EEF1AKMT1: variants seen among roughly 807,000 people sequenced by gnomAD.
EEF1AKMT1 encodes EEF1A lysine methyltransferase 1.
In EEF1AKMT1, 18 loss-of-function variants were observed where a neutral mutation model predicts 21.0. The observed-to-expected ratio is 0.86, with a 90% CI of 0.59 to 1.27. The LOEUF (loss-of-function observed/expected upper bound fraction) is 1.27. Ranked by LOEUF, EEF1AKMT1 falls within the 50% of genes most tolerant of loss-of-function variation. The pLI is 0.00. For missense variants in EEF1AKMT1, 246 were observed against 258.6 expected (o/e 0.95, Z 0.33); for synonymous variants, 109 against 94.8 (o/e 1.15, Z -0.87).
chr13:20,739,205 G>A (rs1466455183), intron 2 of EEF1AKMT1, among the ~76,000 whole-genome samples: 3 of 152,158 alleles, frequency 2.0e-5, no homozygotes, highest in Admixed American at 6.5e-5. Context: ...AACTTCGCTG[G>A]TTTCAGGAGT....
intron 4 of EEF1AKMT1, among the ~76,000 whole-genome samples, chr13:20,730,065 C>T (rs905159602): frequency 6.6e-6 from 1 of 152,256 alleles, no homozygotes; most frequent in Non-Finnish European, 1.5e-5. Context: ...CCTGACCCCT[C>T]AGGTCCCTGG....
In EEF1AKMT1 at chr13:20,731,880, C is replaced by A; in HGVS notation, c.469G>T (p.Val157Phe). ...ATCTTGCCCCGCGTCAGGTACTTGA[C>A]GGTTTCCGATGTTTTTCTGAGACAT... is the stretch of plus-strand genomic sequence containing the variant. Reference protein sequence around the residue: ...EECLRKTSETVKYLTRGKILL... With the variant: ...EECLRKTSETFKYLTRGKILL... The change falls in exon 4 of 5, where the codon GTC (valine) becomes TTC (phenylalanine). Residue 157 changes from valine to phenylalanine, a missense_variant. Coordinates refer to ENST00000382758, the MANE Select transcript of EEF1AKMT1 (RefSeq NM_001318939.2). 1 of 1,614,158 alleles carries A rather than the reference C, an allele frequency of 6.2e-7. No homozygotes were observed. Among genetic ancestry groups the A allele is most frequent in the Non-Finnish European group, 8.5e-7 (1 of 1,180,014 alleles).
intron 2 of EEF1AKMT1, among the ~76,000 whole-genome samples, chr13:20,751,696 CATT>C (rs1274180258): frequency 2.0e-5 from 3 of 151,398 alleles, no homozygotes; most frequent in Admixed American, 1.3e-4. Context: ...TGAAAAATGA[CATT>C]AGTATTGATA....
chr13:20,737,553 G>C (rs917642094), intron 3 of EEF1AKMT1, among the ~76,000 whole-genome samples, 170 bp downstream of exon 3: 1 of 152,220 alleles, frequency 6.6e-6, no homozygotes, highest in Non-Finnish European at 1.5e-5. Context: ...AGGTTTCTGA[G>C]TGGGTCTCTA....
At position 20,754,263 on chromosome 13, in the gene EEF1AKMT1, T is replaced by C. The variant is rs1018415613; in HGVS notation, c.144+3192A>G. Among the ~76,000 whole-genome samples the C allele has an allele frequency of 5.7e-5, 3 of 52,594 alleles. No homozygotes were observed. In the Admixed American group the frequency reaches 7.3e-4, roughly 13 times the overall value. The allele number at this position is 52,594 out of a possible 152,430, so 34.5% of individuals were successfully genotyped here. A position where few individuals can be genotyped will look rare whatever the true frequency, so the allele number is the denominator to read the frequency against. On this transcript the variant is annotated intron_variant, in intron 2 of 4. Transcript: ENST00000382758. ...TGGGTATAGAATCTTTTGTTGGCAG[T>C]TTTTTTTTCTTTTTTTTTCTTTCAA...
At chr13:20,771,892 C>A (rs537376801) in intron 1 of EEF1AKMT1, among the ~76,000 whole-genome samples, 3 of 151,840 alleles carry the variant, frequency 2.0e-5, no homozygotes, top group Non-Finnish European at 4.4e-5. Context: ...GCACCTATAG[C>A]GCCAGCTACT....
At position 20,731,829 on chromosome 13, in the gene EEF1AKMT1, T is replaced by C. The variant is rs756881913; in HGVS notation, c.508+12A>G. 2 of 1,604,968 alleles carry C rather than the reference T, an allele frequency of 1.2e-6. No homozygotes were observed. Among genetic ancestry groups the C allele is most frequent in the African/African-American group, 1.3e-5 (1 of 74,808 alleles). On this transcript the variant is annotated intron_variant, in intron 4 of 4. Transcript: ENST00000382758. ...TCAGTGACTTTGATGAGATATGAAA[T>C]GCAGCACCTACCTGTGCACAGCAGA...
intron 3 of EEF1AKMT1, 88 bp from the exon 4 acceptor site, chr13:20,732,209 CGA>C: frequency 1.4e-6 from 2 of 1,402,414 alleles, no homozygotes; most frequent in Middle Eastern, 3.7e-4. Context: ...TACATGGGTC[CGA>C]GTGCTCAGAG....
In EEF1AKMT1 at chr13:20,728,886, G is replaced by T; in HGVS notation, c.*194C>A. The T allele has an allele frequency of 1.6e-6, 1 of 629,978 alleles. No individual in the cohort carries two copies. Among genetic ancestry groups the T allele is most frequent in the Non-Finnish European group, 2.7e-6 (1 of 367,622 alleles). The allele number at this position is 629,978 out of a possible 1,614,324, so 39.0% of individuals were successfully genotyped here. A position where few individuals can be genotyped will look rare whatever the true frequency, so the allele number is the denominator to read the frequency against. On this transcript the variant is annotated 3_prime_UTR_variant, in exon 5 of 5. Transcript: ENST00000382758. ...ACTCGAATTCCATGGATTCAGGTTG[G>T]CAGAAGACTGAGCTCTAGGGACGCC...
rs2058798440 is a variant in EEF1AKMT1, at chr13:20,731,876, T to G, written c.473A>C (p.Lys158Thr). 1 of 1,614,190 alleles carries G rather than the reference T, an allele frequency of 6.2e-7. No individual in the cohort carries two copies. Among genetic ancestry groups the G allele is most frequent in the East Asian group, 2.2e-5 (1 of 44,888 alleles). ...ECLRKTSETV[K>T]YLTRGKILLC... ...CAGAATCTTGCCCCGCGTCAGGTACTTGACGGTTTCCGATGTTTTTCTGAG... is the reference window on the plus strand; with the variant it reads ...CAGAATCTTGCCCCGCGTCAGGTACGTGACGGTTTCCGATGTTTTTCTGAG... Residue 158 changes from lysine to threonine, a missense_variant, in exon 4 of 5, where the codon AAG becomes ACG. Coordinates refer to ENST00000382758, the MANE Select transcript of EEF1AKMT1 (RefSeq NM_001318939.2).
At chr13:20,739,210 A>G (rs528672198) in intron 2 of EEF1AKMT1, among the ~76,000 whole-genome samples, 1 of 152,322 alleles carries the variant, frequency 6.6e-6, no homozygotes, top group East Asian at 1.9e-4. Context: ...CGCTGGTTTC[A>G]GGAGTGAAGC....
chr13:20,737,626 C>G (rs918061601), intron 3 of EEF1AKMT1, 97 bp downstream of exon 3: 1 of 1,008,894 alleles, frequency 9.9e-7, no homozygotes, highest in Non-Finnish European at 1.5e-6. Flanking sequence ...ACAATATTTA[C>G]AGATTATAGT....
At chr13:20,754,126 T>TAG (rs1037634663) in intron 2 of EEF1AKMT1, among the ~76,000 whole-genome samples, 1 of 152,184 alleles carries the variant, frequency 6.6e-6, no homozygotes, top group Non-Finnish European at 1.5e-5. Flanking sequence ...CTTCAATGCA[T>TAG]AGGACTCCTT....
intron 1 of EEF1AKMT1, among the ~76,000 whole-genome samples, chr13:20,773,409 C>A (rs1219536397): frequency 6.6e-6 from 1 of 152,354 alleles, no homozygotes; most frequent in East Asian, 1.9e-4. Context: ...CCTCGCAGCA[C>A]CCGCATCCTG....
intron 2 of EEF1AKMT1, among the ~76,000 whole-genome samples, chr13:20,744,177 G>A (rs909651538): frequency 5.3e-5 from 8 of 152,168 alleles, no homozygotes; most frequent in Non-Finnish European, 1.2e-4. Context: ...TGTCTTTATA[G>A]CAGAATGACA....
At chr13:20,738,598 C>A (rs1343320779) in intron 2 of EEF1AKMT1, among the ~76,000 whole-genome samples, 4 of 152,072 alleles carry the variant, frequency 2.6e-5, no homozygotes, top group Non-Finnish European at 5.9e-5. Flanking sequence ...TGCCCATCAA[C>A]TAATGGATAG....
chr13:20,769,180 A>T (rs996630376), intron 1 of EEF1AKMT1: 8 of 152,238 alleles, frequency 5.3e-5, no homozygotes, highest in African/African-American at 1.9e-4. Flanking sequence ...TTGTCCCTGT[A>T]CTTAATATAT....
chr13:20,739,384 C>G (rs142608393), intron 2 of EEF1AKMT1, among the ~76,000 whole-genome samples: 9,186 of 152,272 alleles, frequency 0.06, 818 homozygotes, highest in African/African-American at 0.19. Flanking sequence ...TGCTTTTATT[C>G]CCTTATCTGA....
intron 2 of EEF1AKMT1, among the ~76,000 whole-genome samples, chr13:20,742,282 C>T (rs553797659): frequency 6.6e-6 from 1 of 151,954 alleles, no homozygotes; most frequent in East Asian, 1.9e-4. Context: ...TCAATTGTTG[C>T]TAGCATTCCC....
Sources: allele counts gnomAD v4.1 joint callset (sites outside exome capture counted in the v4.1 genomes callset), GRCh38; gene constraint gnomAD v4.1.1; transcripts MANE v1.5; gene names NCBI Gene and HGNC (gene_info 2026-07-23, HGNC 2026-07-21).